Variants in SEMA3E observed in about 807,000 individuals in gnomAD.
The protein encoded by SEMA3E is semaphorin-3E.
In SEMA3E, 49 loss-of-function variants were observed where a neutral mutation model predicts 93.6. That is an observed-to-expected ratio of 0.52 (90% CI 0.42 to 0.66). The LOEUF is 0.66. Ranked by LOEUF, SEMA3E falls within the 30% of genes least tolerant of loss-of-function variation. SEMA3E has a pLI of 0.00. For synonymous variants in SEMA3E, 363 were observed against 330.7 expected, an observed-to-expected ratio of 1.10 and a Z score of -1.06; for missense variants, 906 against 964.8, an observed-to-expected ratio of 0.94 and a Z score of 0.81.
intron 1 of SEMA3E, among the ~76,000 whole-genome samples, chr7:83,608,381 C>T (rs1793171876): frequency 6.6e-6 from 1 of 151,938 alleles, no homozygotes; most frequent in African/African-American, 2.4e-5. Flanking sequence ...ATAATAGAGC[C>T]TTAATAGGAA....
chr7:83,545,815 T>TTA (rs145965702), intron 1 of SEMA3E, among the ~76,000 whole-genome samples: 33,415 of 145,260 alleles, frequency 0.23, 3,843 homozygotes, highest in Middle Eastern at 0.29. Context: ...ATATCCAGTA[T>TTA]TATATATATA....
chr7:83,514,419 C>T (rs942908323), intron 1 of SEMA3E, among the ~76,000 whole-genome samples: 1 of 151,842 alleles, frequency 6.6e-6, no homozygotes, highest in Non-Finnish European at 1.5e-5. Context: ...GGATCGAGAC[C>T]CCTTTCCTGT....
chr7:83,469,227 A>C lies in SEMA3E; in HGVS notation c.336+16T>G. On this transcript the variant is annotated intron_variant, in intron 3 of 16. Transcript: ENST00000643230. ...ATAATTGATGATTTGTTTAATTTAC[A>C]ATGAATCATACTTACCGCATCTTTT... 1 of 1,589,226 alleles carries C rather than the reference A, an allele frequency of 6.3e-7. No individual in the cohort carries two copies. Among genetic ancestry groups the C allele is most frequent in the Non-Finnish European group, 8.6e-7 (1 of 1,157,992 alleles).
intron 2 of SEMA3E, among the ~76,000 whole-genome samples, chr7:83,469,950 T>C (rs1377716600): frequency 2.0e-5 from 3 of 151,866 alleles, no homozygotes; most frequent in Non-Finnish European, 2.9e-5. Context: ...CCCACCCAGC[T>C]AATTTTTTTG....
intron 1 of SEMA3E, among the ~76,000 whole-genome samples, chr7:83,586,028 T>C (rs1792619368): frequency 6.6e-6 from 1 of 152,160 alleles, no homozygotes; most frequent in African/African-American, 2.4e-5. Flanking sequence ...CCCTCAAACA[T>C]ATATGCACAT....
At chr7:83,533,061 C>T (rs1220590278) in intron 1 of SEMA3E, among the ~76,000 whole-genome samples, 2 of 132,780 alleles carry the variant, frequency 1.5e-5, no homozygotes, top group Admixed American at 7.9e-5. Flanking sequence ...AACACTGTGT[C>T]ATCACAAGTC....
chr7:83,385,174 A>C, intron 16 of SEMA3E, 120 bp downstream of exon 16: 2 of 967,598 alleles, frequency 2.1e-6, no homozygotes, highest in South Asian at 1.8e-5. Flanking sequence ...CTGACTTATT[A>C]AATAAGGCAT....
intron 1 of SEMA3E, among the ~76,000 whole-genome samples, chr7:83,502,335 C>T (rs901344219): frequency 2.6e-5 from 4 of 152,136 alleles, no homozygotes; most frequent in East Asian, 1.9e-4. Flanking sequence ...ATGTTCCTAC[C>T]GTTGTTTCCC....
At chr7:83,385,163 ACT>A in intron 16 of SEMA3E, 129 bp downstream of exon 16, 1 of 836,990 alleles carries the variant, frequency 1.2e-6, no homozygotes, top group Non-Finnish European at 1.9e-6. Context: ...AACAAATAAA[ACT>A]GACTTATTAA....
intron 1 of SEMA3E, among the ~76,000 whole-genome samples, chr7:83,570,552 C>CAAAAAAAAAAAAA (rs59715914): frequency 3.0e-5 from 1 of 33,084 alleles, no homozygotes. Flanking sequence ...GACTCCGTCT[C>CAAAAAAAAAAAAA]AAAAAAAAAA....
chr7:83,539,855 C>CTCTG (rs551859742), intron 1 of SEMA3E, among the ~76,000 whole-genome samples: 35 of 122,752 alleles, frequency 2.9e-4, no homozygotes, highest in African/African-American at 7.8e-4. Context: ...TTTGTTGTTT[C>CTCTG]TGTGTGTGTG....
intron 5 of SEMA3E, among the ~76,000 whole-genome samples, chr7:83,410,751 A>C (rs1369862222): frequency 6.6e-6 from 1 of 152,110 alleles, no homozygotes; most frequent in African/African-American, 2.4e-5. Context: ...TATGGCATAA[A>C]CAACCAAGTT....
chr7:83,475,034 C>T (rs1648135837), intron 2 of SEMA3E, among the ~76,000 whole-genome samples: 1 of 150,988 alleles, frequency 6.6e-6, no homozygotes, highest in East Asian at 1.9e-4. Context: ...CATTTAGGAT[C>T]ATCTATCAGG....
intron 1 of SEMA3E, among the ~76,000 whole-genome samples, chr7:83,636,538 A>G (rs1793885674): frequency 6.6e-6 from 1 of 152,180 alleles, no homozygotes; most frequent in South Asian, 2.1e-4. Flanking sequence ...CTAAGATTTG[A>G]GCAATAAAAT....
At chr7:83,386,293 C>T (rs183095683) in intron 15 of SEMA3E, among the ~76,000 whole-genome samples, 6 of 152,054 alleles carry the variant, frequency 3.9e-5, no homozygotes, top group African/African-American at 9.7e-5. Context: ...GTATAGCCAC[C>T]GCTGGTTTCT....
chr7:83,495,753 G>T (rs1790478743), intron 1 of SEMA3E, among the ~76,000 whole-genome samples: 1 of 151,842 alleles, frequency 6.6e-6, no homozygotes, highest in Admixed American at 6.6e-5. Flanking sequence ...AAGGAATGAG[G>T]ATAAAATATC....
At chr7:83,481,664 T>C (rs1790148385) in intron 2 of SEMA3E, among the ~76,000 whole-genome samples, 1 of 152,196 alleles carries the variant, frequency 6.6e-6, no homozygotes, top group African/African-American at 2.4e-5. Flanking sequence ...ATGAATGTTA[T>C]ATACGTGCAA....
At chr7:83,466,741 A>G in intron 3 of SEMA3E, 140 bp from the exon 4 acceptor site, 2 of 994,168 alleles carry the variant, frequency 2.0e-6, no homozygotes, top group Non-Finnish European at 3.0e-6. Context: ...GAGGGGTAGA[A>G]GAAAAGAGGA....
rs371521585 is a variant in SEMA3E, at chr7:83,546,900, A to G, written c.116-56626T>C. 1.1e-3 allele frequency among the ~76,000 whole-genome samples: 163 copies of G among 152,274 alleles called. 3 individuals carry two copies. The South Asian group carries it at 0.033, about 31-fold the overall frequency. ...CTACATCAAAATTTTATTGATGAAGATACCTTACTCAAACTTGTTTAAACA... is the reference window on the plus strand; with the variant it reads ...CTACATCAAAATTTTATTGATGAAGGTACCTTACTCAAACTTGTTTAAACA... On this transcript the variant is annotated intron_variant, in intron 1 of 16. Coordinates refer to ENST00000643230, the MANE Select transcript of SEMA3E (RefSeq NM_012431.3).
Sources: gnomAD v4.1 joint callset for allele counts (sites outside exome capture counted in the v4.1 genomes callset) on GRCh38, gnomAD v4.1.1 for gene constraint, MANE v1.5 for transcripts, NCBI Gene and HGNC (gene_info 2026-07-23, HGNC 2026-07-21) for gene names.